Variants in DGKK observed in about 807,000 individuals in gnomAD.
The protein encoded by DGKK is 142 kDa diacylglycerol kinase.
In DGKK, 35 loss-of-function variants were observed where a neutral mutation model predicts 92.2. The ratio of observed to expected loss-of-function variants is 0.38; its 90% confidence interval spans 0.29 to 0.50. DGKK has a LOEUF of 0.50. Among genes scored for constraint, DGKK ranks in the 20% least tolerant of loss-of-function variants. The pLI, the probability that DGKK is intolerant of heterozygous loss-of-function variation, is 0.92. For missense variants in DGKK, 910 were observed against 992.2 expected, an observed-to-expected ratio of 0.92 and a Z score of 1.11; for synonymous variants, 368 against 360.6, an observed-to-expected ratio of 1.02 and a Z score of -0.23.
intron 1 of DGKK, among the ~76,000 whole-genome samples, chrX:50,425,027 A>T (rs781934187): frequency 8.9e-6 from 1 of 112,135 alleles, no homozygotes; most frequent in Non-Finnish European, 1.9e-5. Context: ...CCAAGCATAG[A>T]GTCTACTTAC....
chrX:50,428,500 T>C (rs1557229939), intron 1 of DGKK, among the ~76,000 whole-genome samples: 1 of 111,667 alleles, frequency 9.0e-6, no homozygotes, highest in African/African-American at 3.3e-5. Flanking sequence ...CTTCACCAAG[T>C]TAAAAGACCC....
chrX:50,431,424 C>T (rs1255281813), intron 1 of DGKK, among the ~76,000 whole-genome samples: 1 of 111,474 alleles, frequency 9.0e-6, no homozygotes, highest in African/African-American at 3.3e-5. Context: ...CCCACCCACT[C>T]AAAAAGTAGA....
rs1924259322 is a variant in DGKK, at chrX:50,375,952, C to T, written c.3414+72G>A. Reference sequence around the variant, plus strand: ...CAGTTTCTCCGTCCAGCCTCCGGCTCCACTTCTTTCCCTTTCATCCTCTTT... The same window carrying T: ...CAGTTTCTCCGTCCAGCCTCCGGCTTCACTTCTTTCCCTTTCATCCTCTTT... On this transcript the variant is annotated intron_variant, in intron 24 of 27. Transcript: ENST00000611977. 3 of 1,123,933 alleles carry T rather than the reference C, an allele frequency of 2.7e-6. No individual in the cohort carries two copies. In the South Asian group the frequency reaches 6.5e-5, roughly 24 times the overall value. The allele number at this position is 1,123,933 out of a possible 1,213,427, so 92.6% of individuals were successfully genotyped here.
In DGKK at chrX:50,403,522, G is replaced by A; in HGVS notation, c.1154C>T (p.Thr385Ile). ...KDCKWNTLSI[T>I]DDLLLPADEV... is the part of the protein sequence containing the mutation. The stretch of plus-strand genomic sequence containing the variant: ...ATCTGCAGGCAGAAGGAGGTCATCA[G>A]TGATAGACAATGTATTCCACTTGCA... Residue 385 changes from threonine to isoleucine, a missense_variant, in exon 6 of 28, where the codon ACT becomes ATT. By Grantham distance (89) the Thr-to-Ile change is moderately conservative. Transcript: ENST00000611977. 8.3e-7 allele frequency: 1 copy of A among 1,210,968 alleles called. No homozygotes were observed. The highest frequency in any genetic ancestry group is 1.8e-5 in the South Asian group (1 of 56,977).
chrX:50,470,790 C>A lies in DGKK; in HGVS notation c.-112G>T. 3.3e-6 allele frequency: 3 copies of A among 903,990 alleles called. No homozygotes were observed. Among genetic ancestry groups the A allele is most frequent in the South Asian group, 2.7e-5 (1 of 37,281 alleles). The allele number at this position is 903,990 out of a possible 1,213,427, so 74.5% of individuals were successfully genotyped here. ...CGGCAGCCCCTCGCAGGGTGCCAAA[C>A]TTTCCCCCATCCCACTCCATGGCTG... On this transcript the variant is annotated 5_prime_UTR_variant, in exon 1 of 28. Transcript: ENST00000611977.
At chrX:50,403,836 C>T (rs1338910580) in intron 5 of DGKK, among the ~76,000 whole-genome samples, 1 of 111,433 alleles carries the variant, frequency 9.0e-6, no homozygotes, top group African/African-American at 3.3e-5. Context: ...GTCTTTTTAA[C>T]ACTTGTGATA....
intron 1 of DGKK, among the ~76,000 whole-genome samples, chrX:50,454,261 T>C (rs1171322279): frequency 1.8e-5 from 2 of 111,377 alleles, no homozygotes; most frequent in Non-Finnish European, 3.8e-5. Flanking sequence ...ATTTGTATAC[T>C]TGGTCTTATT....
chrX:50,377,862 T>A (rs782188595), intron 22 of DGKK, among the ~76,000 whole-genome samples: 3 of 111,265 alleles, frequency 2.7e-5, no homozygotes, highest in Non-Finnish European at 5.7e-5. Flanking sequence ...TATATCAGAG[T>A]GTCTTGAGGA....
chrX:50,375,158 G>C, intron 24 of DGKK, 101 bp from the exon 25 acceptor site: 1 of 589,159 alleles, frequency 1.7e-6, no homozygotes, highest in Non-Finnish European at 2.7e-6. Flanking sequence ...GTAGAAGCAG[G>C]CTAGTAGGAT....
chrX:50,386,519 G>A lies in DGKK; in HGVS notation c.2186C>T (p.Ser729Phe). The A allele has an allele frequency of 8.3e-7, 1 of 1,211,112 alleles. No individual in the cohort carries two copies. Among genetic ancestry groups the A allele is most frequent in the South Asian group, 1.8e-5 (1 of 56,952 alleles). Reference protein sequence around the residue: ...DVLAEEAAATSAEKSATEYAD... With the variant: ...DVLAEEAAATFAEKSATEYAD... Reference sequence around the variant, plus strand: ...ATATTCTGTAGCACTTTTTTCAGCAGAAGTAGCTGCTGCCTCCTCAGCCAG... The same window carrying A: ...ATATTCTGTAGCACTTTTTTCAGCAAAAGTAGCTGCTGCCTCCTCAGCCAG... The change falls in exon 15 of 28, where the codon TCT becomes TTT. Residue 729 changes from serine (S) to phenylalanine (F), a missense_variant. Transcript: ENST00000611977.
chrX:50,424,027 G>A (rs1048041664), intron 2 of DGKK, among the ~76,000 whole-genome samples: 3 of 111,400 alleles, frequency 2.7e-5, no homozygotes, highest in Non-Finnish European at 5.7e-5. Context: ...TCTGGGTGCA[G>A]AAGCTAGCTG....
intron 1 of DGKK, among the ~76,000 whole-genome samples, chrX:50,453,895 A>G (rs1434403585): frequency 9.1e-6 from 1 of 110,167 alleles, no homozygotes; most frequent in Non-Finnish European, 1.9e-5. Context: ...AGAGAAAATG[A>G]GACATTATCA....
intron 25 of DGKK, among the ~76,000 whole-genome samples, chrX:50,374,337 G>A (rs1924216340): frequency 9.0e-6 from 1 of 111,466 alleles, no homozygotes; most frequent in Admixed American, 9.5e-5. Context: ...ACCAAAGCTT[G>A]CCAGAAAACC....
rs368699901 is a variant in DGKK at position 50,376,926 on chromosome X, T to A, written c.3112-8A>T. ...CATTGAGTTCTCAAAGTCCTGGAGATGAATACAGTGGCATATCCTAATGAT... is the reference window on the plus strand; with the variant it reads ...CATTGAGTTCTCAAAGTCCTGGAGAAGAATACAGTGGCATATCCTAATGAT... On this transcript the variant is annotated splice_region_variant and splice_polypyrimidine_tract_variant and intron_variant, in intron 22 of 27. Coordinates refer to ENST00000611977, the MANE Select transcript of DGKK (RefSeq NM_001013742.4). The A allele has an allele frequency of 1.5e-4, 172 of 1,184,800 alleles. No homozygotes were observed. The African/African-American group carries it at 2.7e-3, about 19-fold the overall frequency.
rs1415754348 is a variant in DGKK at position 50,423,702 on chromosome X, C to A, written c.756+546G>T. On this transcript the variant is annotated intron_variant, in intron 2 of 27. Coordinates refer to ENST00000611977, the MANE Select transcript of DGKK (RefSeq NM_001013742.4). ...GAACAAAATACTACGCTTGTATGAG[C>A]TACTAAACACAAATTGTATAATTTT... Among the ~76,000 whole-genome samples, 4 of 111,613 alleles carry A rather than the reference C, an allele frequency of 3.6e-5. No homozygotes were observed. In the Admixed American group the frequency reaches 3.8e-4, roughly 11 times the overall value.
intron 1 of DGKK, among the ~76,000 whole-genome samples, chrX:50,425,121 C>T (rs1276583825): frequency 9.9e-5 from 11 of 111,477 alleles, no homozygotes; most frequent in African/African-American, 3.6e-4. Flanking sequence ...AAGTACTCAA[C>T]CCCAACAAGC....
intron 1 of DGKK, among the ~76,000 whole-genome samples, chrX:50,454,086 ACTCCTCTCAGCAC>A (rs1453680838): frequency 9.2e-6 from 1 of 108,126 alleles, no homozygotes; most frequent in African/African-American, 3.4e-5. Context: ...CCTTCTCATC[ACTCCTCTCAGCAC>A]CTCCACCCAA....
At chrX:50,436,452 G>GA (rs1239302502) in intron 1 of DGKK, among the ~76,000 whole-genome samples, 3 of 111,721 alleles carry the variant, frequency 2.7e-5, no homozygotes, top group African/African-American at 9.7e-5. Context: ...TCAGTGGAAG[G>GA]AAAAAAGGAA....
At chrX:50,373,387 T>C (rs1557223472) in intron 25 of DGKK, among the ~76,000 whole-genome samples, 1 of 112,023 alleles carries the variant, frequency 8.9e-6, no homozygotes, top group Non-Finnish European at 1.9e-5. Context: ...CACTGGGCCC[T>C]ATGAGGTGGG....
Sources: gnomAD v4.1 joint callset for allele counts (sites outside exome capture counted in the v4.1 genomes callset) on GRCh38, gnomAD v4.1.1 for gene constraint, MANE v1.5 for transcripts, NCBI Gene and HGNC (gene_info 2026-07-23, HGNC 2026-07-21) for gene names.